The following ARHGEF7 variants were observed in gnomAD, a reference collection of about 807,000 sequenced individuals.
ARHGEF7 encodes the protein Rho guanine nucleotide exchange factor 7.
Under a neutral mutation model 109.8 loss-of-function variants are expected in ARHGEF7, and 33 were observed. The ratio of observed to expected loss-of-function variants is 0.30; its 90% CI spans 0.23 to 0.40. The LOEUF (loss-of-function observed/expected upper bound fraction) is 0.40. Ranked by LOEUF, ARHGEF7 falls within the 10% of genes least tolerant of loss-of-function variation. The pLI is 1.00. For synonymous variants in ARHGEF7, 458 were observed against 424.6 expected, an observed-to-expected ratio of 1.08 and a Z score of -0.97; for missense variants, 938 against 1,098.5, an observed-to-expected ratio of 0.85 and a Z score of 2.07.
At chr13:111,122,808 A>G (rs1054084441) in intron 1 of ARHGEF7, 1 of 152,256 alleles carries the variant, frequency 6.6e-6, no homozygotes, top group Admixed American at 6.5e-5. Flanking sequence ...ATGTAGAGTC[A>G]TCCAGCCCAG....
At position 111,266,399 on chromosome 13, in the gene ARHGEF7, C is replaced by T. The variant is rs75826543; in HGVS notation, c.951-1149C>T. On this transcript the variant is annotated intron_variant, in intron 8 of 21. Transcript: ENST00000646102. The surrounding 1 kb of genome is among the most constrained non-coding windows in gnomAD (Gnocchi z 4.8). ...GTGTCGACGCTCGTGGACACCTTCGCTCTTGTGCCTTGCACTCTTTCTGTT... is the reference window on the plus strand; with the variant it reads ...GTGTCGACGCTCGTGGACACCTTCGTTCTTGTGCCTTGCACTCTTTCTGTT... Among the ~76,000 whole-genome samples the T allele has an allele frequency of 1.3e-5, 2 of 152,072 alleles. No homozygotes were observed. The highest frequency in any genetic ancestry group is 3.9e-4 in the East Asian group (2 of 5,180).
chr13:111,184,435 G>C lies in ARHGEF7; in HGVS notation c.253-20854G>C, dbSNP rs184318348. 1.7e-4 allele frequency among the ~76,000 whole-genome samples: 26 copies of C among 152,268 alleles called. No homozygotes were observed. The East Asian group carries it at 5.0e-3, about 29-fold the overall frequency. ...AGGTCTTTCTTGAGGCTTTTCTTCT[G>C]TACCTGTTGGTGTTTCTGGGTTGCT... On this transcript the variant is annotated intron_variant, in intron 2 of 21. Coordinates refer to ENST00000646102, the MANE Select transcript of ARHGEF7 (RefSeq NM_001354046.2).
At chr13:111,173,618 G>A (rs1185462639) in intron 2 of ARHGEF7, among the ~76,000 whole-genome samples, 4 of 152,216 alleles carry the variant, frequency 2.6e-5, no homozygotes, top group Non-Finnish European at 4.4e-5. Flanking sequence ...GCTTTCCCAG[G>A]AGGTTGGCAA....
chr13:111,300,162 A>C (rs2093531225), intron 19 of ARHGEF7, among the ~76,000 whole-genome samples: 1 of 152,154 alleles, frequency 6.6e-6, no homozygotes, highest in African/African-American at 2.4e-5. Flanking sequence ...AAATGACAGA[A>C]ATGTTCTGAC....
intron 2 of ARHGEF7, among the ~76,000 whole-genome samples, chr13:111,160,190 A>G (rs1368489671): frequency 1.3e-5 from 2 of 152,092 alleles, no homozygotes; most frequent in Admixed American, 1.3e-4. Context: ...TCAGCTCTCT[A>G]TTCTGCTCTG....
chr13:111,292,022 T>G lies in ARHGEF7; in HGVS notation c.2135-96T>G, dbSNP rs2093303785. On this transcript the variant is annotated intron_variant, in intron 18 of 21. Coordinates refer to ENST00000646102, the MANE Select transcript of ARHGEF7 (RefSeq NM_001354046.2). ...CTCTTTTCCTTCTCTTCCCATCACC[T>G]TTTGCTTTTGTTCCATGTTTTGGTT... 3.9e-6 allele frequency: 4 copies of G among 1,015,258 alleles called. No individual in the cohort carries two copies. The East Asian group carries it at 7.3e-5, about 19-fold the overall frequency. 62.9% of individuals were successfully genotyped at this position (1,015,258 alleles called of 1,614,324 possible). A position where few individuals can be genotyped will look rare whatever the true frequency, so the allele number is the denominator to read the frequency against.
At chr13:111,122,371 C>T (rs752320718) in intron 1 of ARHGEF7, among the ~76,000 whole-genome samples, 9 of 152,256 alleles carry the variant, frequency 5.9e-5, no homozygotes, top group Non-Finnish European at 1.0e-4. Flanking sequence ...CGCCCCGGTC[C>T]GACTGCTTCC....
chr13:111,136,473 ACAACC>A (rs2075094075), intron 1 of ARHGEF7, among the ~76,000 whole-genome samples: 2 of 152,250 alleles, frequency 1.3e-5, no homozygotes, highest in African/African-American at 4.8e-5. Context: ...TGGAAACTGA[ACAACC>A]TGCTCCTGAA....
chr13:111,221,535 ATATATAGATACATATC>A, intron 5 of ARHGEF7, among the ~76,000 whole-genome samples: 1 of 84,204 alleles, frequency 1.2e-5, no homozygotes, highest in Non-Finnish European at 2.3e-5. Flanking sequence ...ATATATATCT[ATATATAGATACATATC>A]TATATATCTA....
chr13:111,203,600 G>C (rs2081432381), intron 2 of ARHGEF7, among the ~76,000 whole-genome samples: 2 of 152,168 alleles, frequency 1.3e-5, no homozygotes, highest in Non-Finnish European at 2.9e-5. Flanking sequence ...GGTTCCATCT[G>C]ATATTTCCTT....
intron 6 of ARHGEF7, among the ~76,000 whole-genome samples, chr13:111,237,600 A>G (rs1207458367): frequency 6.6e-6 from 1 of 152,234 alleles, no homozygotes; most frequent in East Asian, 1.9e-4. Flanking sequence ...AGGCATTTTC[A>G]GAGGATTATT....
rs546281813 is a variant in ARHGEF7 at position 111,192,068 on chromosome 13, A to T, written c.253-13221A>T. Among the ~76,000 whole-genome samples the T allele has an allele frequency of 2.0e-5, 3 of 152,276 alleles. No homozygotes were observed. The South Asian group carries it at 6.2e-4, about 32-fold the overall frequency. ...GTTTTTCTTCAGGATCAGTGGTAGG[A>T]GCCTTTTTAGTCTGGGATATTTCCT... On this transcript the variant is annotated intron_variant, in intron 2 of 21. Coordinates refer to ENST00000646102, the MANE Select transcript of ARHGEF7 (RefSeq NM_001354046.2).
chr13:111,136,351 AC>A (rs1258219936), intron 1 of ARHGEF7, among the ~76,000 whole-genome samples: 1 of 151,408 alleles, frequency 6.6e-6, no homozygotes, highest in Non-Finnish European at 1.5e-5. Context: ...GAAGTAAAGC[AC>A]TCTTCAGCAA....
At chr13:111,301,036 C>T (rs1376775014) in intron 20 of ARHGEF7, among the ~76,000 whole-genome samples, 189 bp downstream of exon 20, 1 of 152,078 alleles carries the variant, frequency 6.6e-6, no homozygotes, top group African/African-American at 2.4e-5. Context: ...GCAACCTCCA[C>T]CTTCCGGGTT....
At chr13:111,252,711 C>A (rs2089930821) in intron 8 of ARHGEF7, among the ~76,000 whole-genome samples, 1 of 152,162 alleles carries the variant, frequency 6.6e-6, no homozygotes. Flanking sequence ...GTTATTAACT[C>A]ATTTTATCCT....
chr13:111,237,776 A>G (rs139850952), intron 6 of ARHGEF7, among the ~76,000 whole-genome samples: 229 of 152,372 alleles, frequency 1.5e-3, no homozygotes, highest in Middle Eastern at 0.01. Context: ...ATAACAGAAT[A>G]TGAAATTACA....
At chr13:111,118,590 G>T (rs913877319) in intron 1 of ARHGEF7, among the ~76,000 whole-genome samples, 15 of 152,108 alleles carry the variant, frequency 9.9e-5, no homozygotes, top group African/African-American at 3.1e-4. Context: ...CACTCCTCCC[G>T]TGAGCAGAGG....
At chr13:111,208,900 A>G (rs1417260306) in intron 3 of ARHGEF7, among the ~76,000 whole-genome samples, 2 of 152,218 alleles carry the variant, frequency 1.3e-5, no homozygotes, top group Admixed American at 1.3e-4. Flanking sequence ...GCCCCTGCCC[A>G]GCTCTGAGCC....
intron 5 of ARHGEF7, among the ~76,000 whole-genome samples, chr13:111,232,616 T>C (rs1371212858): frequency 6.6e-6 from 1 of 152,196 alleles, no homozygotes; most frequent in Admixed American, 6.5e-5. Context: ...GAATCCTTGC[T>C]GGAGTCAGGA....
Sources: gnomAD v4.1 joint callset for allele counts (sites outside exome capture counted in the v4.1 genomes callset) on GRCh38, gnomAD v4.1.1 for gene constraint, Gnocchi (gnomAD v3.1) non-coding constraint, MANE v1.5 for transcripts, NCBI Gene and HGNC (gene_info 2026-07-23, HGNC 2026-07-21) for gene names.